The following TBC1D15 variants were observed in gnomAD, a reference collection of about 807,000 sequenced individuals.
The protein encoded by TBC1D15 is GAP for RAB7.
Under a neutral mutation model 95.4 loss-of-function variants are expected in TBC1D15, and 39 were observed. The ratio of observed to expected loss-of-function variants is 0.41; its 90% confidence interval spans 0.32 to 0.53. The LOEUF (loss-of-function observed/expected upper bound fraction) is 0.53, where lower values mean the gene tolerates loss of function less well. Among genes scored for constraint, TBC1D15 ranks in the 20% least tolerant of loss-of-function variants. TBC1D15 has a pLI of 0.29. For synonymous variants in TBC1D15, 258 were observed against 261.3 expected (o/e 0.99, Z 0.12); for missense variants, 733 against 794.3 (o/e 0.92, Z 0.93).
At chr12:71,920,267 G>T (rs1018492037) in intron 14 of TBC1D15, among the ~76,000 whole-genome samples, 25 of 152,172 alleles carry the variant, frequency 1.6e-4, no homozygotes, top group African/African-American at 5.5e-4. Context: ...TACGTATTTA[G>T]AATGTAGAGC....
In TBC1D15 at chr12:71,849,354, C is replaced by T. The variant is rs533665445; in HGVS notation, c.30+9543C>T. On this transcript the variant is annotated intron_variant, in intron 1 of 16. Transcript: ENST00000485960. ...TCATAGGAGGCAATGGAGCTTCTAG[C>T]TGTTGTCCAAGGAATGAAAGCAGGC... 3.1e-5 allele frequency: 42 copies of T among 1,358,842 alleles called. No individual in the cohort carries two copies. The African/African-American group carries it at 5.6e-4, about 18-fold the overall frequency. The allele number at this position is 1,358,842 out of a possible 1,614,324, so 84.2% of individuals were successfully genotyped here. A position where few individuals can be genotyped will look rare whatever the true frequency, so the allele number is the denominator to read the frequency against.
At chr12:71,854,945 A>G in intron 1 of TBC1D15, 1 of 434,088 alleles carries the variant, frequency 2.3e-6, no homozygotes, top group South Asian at 1.7e-5. Flanking sequence ...CCTATTTAAG[A>G]CTTTACATTT....
chr12:71,892,695 AATG>A (rs988842583), intron 5 of TBC1D15, among the ~76,000 whole-genome samples: 3 of 151,798 alleles, frequency 2.0e-5, no homozygotes, highest in African/African-American at 7.2e-5. Context: ...TAGCATGATT[AATG>A]ATCTTTATCA....
chr12:71,840,056 G>C (rs577565701), intron 1 of TBC1D15, among the ~76,000 whole-genome samples: 1 of 152,204 alleles, frequency 6.6e-6, no homozygotes, highest in Admixed American at 6.5e-5. Flanking sequence ...CCAGAGCAGA[G>C]AGGCTTTTAT....
intron 10 of TBC1D15, among the ~76,000 whole-genome samples, chr12:71,900,615 C>G (rs1899171798): frequency 6.6e-6 from 1 of 152,110 alleles, no homozygotes; most frequent in African/African-American, 2.4e-5. Context: ...ATGTACTAGG[C>G]TCTCCTCTAG....
chr12:71,907,835 C>T (rs1373477760), intron 11 of TBC1D15: 1 of 152,218 alleles, frequency 6.6e-6, no homozygotes, highest in African/African-American at 2.4e-5. Flanking sequence ...GTAGAACTTA[C>T]TCTTTTTTTG....
chr12:71,880,929 T>A (rs1895004550), intron 4 of TBC1D15, among the ~76,000 whole-genome samples: 1 of 152,350 alleles, frequency 6.6e-6, no homozygotes, highest in Middle Eastern at 3.4e-3. Flanking sequence ...TGTTATTTTA[T>A]CCTAAAGTAA....
chr12:71,913,873 A>T lies in TBC1D15; in HGVS notation c.1348A>T (p.Met450Leu). 1 of 1,594,772 alleles carries T rather than the reference A, an allele frequency of 6.3e-7. No homozygotes were observed. Among genetic ancestry groups the T allele is most frequent in the Non-Finnish European group, 8.5e-7 (1 of 1,173,946 alleles). ...TTTACTTTCCCCTCTTTTATATGTGATGGAAAATGAAGTGGATGCCTTTTG... is the reference window on the plus strand; with the variant it reads ...TTTACTTTCCCCTCTTTTATATGTGTTGGAAAATGAAGTGGATGCCTTTTG... Reference protein sequence around the residue: ...SDLLSPLLYVMENEVDAFWCF... With the variant: ...SDLLSPLLYVLENEVDAFWCF... Residue 450 changes from methionine (M) to leucine (L), a missense_variant, in exon 12 of 17, where the codon ATG becomes TTG. Transcript: ENST00000485960.
In TBC1D15 at chr12:71,886,285, T is replaced by C. The variant is rs1007962842; in HGVS notation, c.554+1264T>C. 5.9e-5 allele frequency among the ~76,000 whole-genome samples: 9 copies of C among 152,090 alleles called. No homozygotes were observed. In the East Asian group the frequency reaches 1.7e-3, roughly 29 times the overall value. On this transcript the variant is annotated intron_variant, in intron 5 of 16. Transcript: ENST00000485960. ...GTGGGTTCAGACAGTTCTCCTACCT[T>C]AGCCTCCTGAGCAGCTGGGATTACA... is the stretch of plus-strand genomic sequence containing the variant.
chr12:71,903,519 A>G (rs979692451), intron 10 of TBC1D15, among the ~76,000 whole-genome samples: 4 of 152,226 alleles, frequency 2.6e-5, no homozygotes, highest in Non-Finnish European at 5.9e-5. Context: ...ATTACTGGAT[A>G]TATGTCCAAA....
chr12:71,903,141 C>T (rs1427619857), intron 10 of TBC1D15, among the ~76,000 whole-genome samples: 12 of 152,132 alleles, frequency 7.9e-5, no homozygotes, highest in Non-Finnish European at 1.2e-4. Context: ...GTCTTGAACT[C>T]GTGGCCTTGT....
In TBC1D15 at chr12:71,923,317, G is replaced by A. The variant is rs986567895; in HGVS notation, c.*113G>A. On this transcript the variant is annotated 3_prime_UTR_variant, in exon 17 of 17. Coordinates refer to ENST00000485960, the MANE Select transcript of TBC1D15 (RefSeq NM_001146213.3). ...GATCATGCTTTAAGGTTTATGTAAA[G>A]AAAGTGTACTGATGTTCTTACATTA... The A allele has an allele frequency of 2.2e-6, 2 of 901,388 alleles. No individual in the cohort carries two copies. The highest frequency in any genetic ancestry group is 3.4e-6 in the Non-Finnish European group (2 of 584,588). The allele number at this position is 901,388 out of a possible 1,614,324, so 55.8% of individuals were successfully genotyped here.
chr12:71,879,686 A>G (rs1565997906), intron 3 of TBC1D15, among the ~76,000 whole-genome samples: 2 of 151,164 alleles, frequency 1.3e-5, no homozygotes, highest in African/African-American at 4.8e-5. Flanking sequence ...GAAGTTGGAC[A>G]TCTTTCTATG....
chr12:71,879,292 C>G (rs1894651591), intron 3 of TBC1D15, among the ~76,000 whole-genome samples: 1 of 152,106 alleles, frequency 6.6e-6, no homozygotes, highest in African/African-American at 2.4e-5. Flanking sequence ...ACCACCATGT[C>G]TGGCTAACTT....
In TBC1D15 at chr12:71,843,635, G is replaced by GTAT. The variant is rs979134984; in HGVS notation, c.30+3841_30+3843dup. 1.9e-4 allele frequency among the ~76,000 whole-genome samples: 29 copies of GTAT among 151,920 alleles called. No homozygotes were observed. The South Asian group carries it at 2.1e-3, about 11-fold the overall frequency. On this transcript the variant is annotated intron_variant, in intron 1 of 16. Transcript: ENST00000485960. ...TACAAGGGTGGTTAAACACAGACTT[G>GTAT]TATTATTATTATTATTATTGTTAAT...
intron 5 of TBC1D15, among the ~76,000 whole-genome samples, chr12:71,890,079 T>TGCTGGGATTACAGGC (rs1346580433): frequency 5.6e-4 from 86 of 152,358 alleles, no homozygotes; most frequent in African/African-American, 1.9e-3. Context: ...CCTTTGCTAT[T>TGCTGGGATTACAGGC]GTGAATTACA....
intron 8 of TBC1D15, chr12:71,896,347 C>G: frequency 4.7e-6 from 2 of 426,392 alleles, no homozygotes; most frequent in Non-Finnish European, 4.2e-6. Flanking sequence ...ACTTGAAGTT[C>G]TGTGGGTTTT....
chr12:71,886,309 CA>C (rs1331201830), intron 5 of TBC1D15, among the ~76,000 whole-genome samples: 3 of 152,122 alleles, frequency 2.0e-5, no homozygotes, highest in Non-Finnish European at 2.9e-5. Flanking sequence ...GCTGGGATTA[CA>C]GGCGTGCGCC....
chr12:71,844,181 C>T (rs1057181353), intron 1 of TBC1D15, among the ~76,000 whole-genome samples: 2 of 152,216 alleles, frequency 1.3e-5, no homozygotes, highest in East Asian at 3.8e-4. Flanking sequence ...GAGTCTCTCC[C>T]TCTCTGGATT....
Sources: allele counts gnomAD v4.1 joint callset (sites outside exome capture counted in the v4.1 genomes callset), GRCh38; gene constraint gnomAD v4.1.1; transcripts MANE v1.5; gene names NCBI Gene and HGNC (gene_info 2026-07-23, HGNC 2026-07-21).